Variants in GALNT13 observed in about 807,000 individuals in gnomAD.
GALNT13 encodes the protein UDP-GalNAc:polypeptide N-acetylgalactosaminyltransferase 13.
GALNT13 carries 28 observed loss-of-function variants against 64.2 expected under a neutral mutation model. The ratio of observed to expected loss-of-function variants is 0.44; its 90% CI spans 0.32 to 0.60. The LOEUF (loss-of-function observed/expected upper bound fraction) is 0.60, where lower values mean the gene tolerates loss of function less well. GALNT13 is among the 20% of genes least tolerant of loss of function. The pLI, the probability that GALNT13 is intolerant of heterozygous loss-of-function variation, is 0.05. For synonymous variants in GALNT13, 214 were observed against 224.6 expected (o/e 0.95, Z 0.42); for missense variants, 577 against 669.8 (o/e 0.86, Z 1.53).
chr2:153,259,975 G>A, the GALNT13 span, among the ~76,000 whole-genome samples: 1 of 151,596 alleles, frequency 6.6e-6, no homozygotes, highest in African/African-American at 2.4e-5. Flanking sequence ...TATCTGTTGT[G>A]TGTTTTTTTT....
At chr2:153,463,114 G>A in the GALNT13 span, among the ~76,000 whole-genome samples, 1 of 151,974 alleles carries the variant, frequency 6.6e-6, no homozygotes, top group Non-Finnish European at 1.5e-5. Context: ...ATTCAATCCA[G>A]GTAAAGGGAA....
chr2:153,943,698 T>C (rs1280029931), intron 2 of GALNT13, among the ~76,000 whole-genome samples: 2 of 152,164 alleles, frequency 1.3e-5, no homozygotes, highest in Non-Finnish European at 2.9e-5. Context: ...TTTTACCATG[T>C]TGGCCAGACT....
At chr2:154,204,745 T>TTA (rs756760576) in intron 4 of GALNT13, among the ~76,000 whole-genome samples, 79 of 152,246 alleles carry the variant, frequency 5.2e-4, no homozygotes, top group Non-Finnish European at 9.4e-4. Context: ...TGTACTCTAC[T>TTA]ATCTAACCAC....
At chr2:153,524,833 C>T in the GALNT13 span, among the ~76,000 whole-genome samples, 1 of 152,286 alleles carries the variant, frequency 6.6e-6, no homozygotes, top group African/African-American at 2.4e-5. Context: ...AGGACTGTAA[C>T]ACCTAGGCGA....
chr2:154,189,677 A>G (rs1361244716), intron 4 of GALNT13, among the ~76,000 whole-genome samples: 1 of 151,774 alleles, frequency 6.6e-6, no homozygotes, highest in African/African-American at 2.4e-5. Flanking sequence ...AGGTTTACAT[A>G]GAAAAAAAAA....
At chr2:153,135,946 T>G in the GALNT13 span, among the ~76,000 whole-genome samples, 1 of 152,108 alleles carries the variant, frequency 6.6e-6, no homozygotes, top group African/African-American at 2.4e-5. Flanking sequence ...TCCAGATGGC[T>G]TGTTTAATTC....
chr2:154,334,425 A>G (rs1695330955), intron 9 of GALNT13, among the ~76,000 whole-genome samples: 2 of 152,070 alleles, frequency 1.3e-5, no homozygotes, highest in Non-Finnish European at 2.9e-5. Context: ...TGGAACTGAA[A>G]GTATTATCAA....
chr2:154,306,991 AT>A (rs34442308), intron 9 of GALNT13, among the ~76,000 whole-genome samples: 15,379 of 140,502 alleles, frequency 0.11, 1,097 homozygotes, highest in African/African-American at 0.22. Context: ...AAGGGCTGTT[AT>A]TTTTTTTTTT....
chr2:153,275,879 A>G, the GALNT13 span, among the ~76,000 whole-genome samples: 4 of 152,220 alleles, frequency 2.6e-5, no homozygotes, highest in African/African-American at 9.6e-5. Context: ...AATTGATACA[A>G]TGAAATTATC....
intron 4 of GALNT13, among the ~76,000 whole-genome samples, chr2:154,188,292 G>A (rs564623076): frequency 6.6e-6 from 1 of 152,198 alleles, no homozygotes; most frequent in South Asian, 2.1e-4. Context: ...TGAGTACAAG[G>A]TGTCAACAGT....
the GALNT13 span, among the ~76,000 whole-genome samples, chr2:153,532,374 C>T: frequency 6.6e-6 from 1 of 152,044 alleles, no homozygotes; most frequent in Non-Finnish European, 1.5e-5. Flanking sequence ...AGCTGTGTCC[C>T]AAGGCTGCAT....
intron 9 of GALNT13, among the ~76,000 whole-genome samples, chr2:154,387,070 T>C (rs987954403): frequency 2.6e-5 from 4 of 152,182 alleles, no homozygotes; most frequent in Non-Finnish European, 5.9e-5. Flanking sequence ...ATTCAACACA[T>C]AATCACTATG....
chr2:153,227,454 G>C, the GALNT13 span, among the ~76,000 whole-genome samples: 1 of 152,182 alleles, frequency 6.6e-6, no homozygotes, highest in Non-Finnish European at 1.5e-5. Flanking sequence ...AGAGGAACCA[G>C]TAGGTTTAGA....
intron 4 of GALNT13, among the ~76,000 whole-genome samples, chr2:154,152,561 G>C (rs1684110606): frequency 6.6e-6 from 1 of 152,070 alleles, no homozygotes; most frequent in Non-Finnish European, 1.5e-5. Context: ...GTCACTTTCA[G>C]GTACACCAAT....
intron 4 of GALNT13, among the ~76,000 whole-genome samples, chr2:154,208,409 C>T (rs1007055259): frequency 3.9e-5 from 6 of 151,992 alleles, no homozygotes; most frequent in African/African-American, 1.4e-4. Flanking sequence ...ATACATATTG[C>T]TGCTAATATG....
At chr2:154,414,613 T>C (rs1181417909) in intron 11 of GALNT13, among the ~76,000 whole-genome samples, 1 of 152,028 alleles carries the variant, frequency 6.6e-6, no homozygotes, top group African/African-American at 2.4e-5. Context: ...TTTTAAAAAC[T>C]GGCATTTAAA....
intron 2 of GALNT13, among the ~76,000 whole-genome samples, chr2:153,920,029 G>A (rs1689646879): frequency 6.8e-6 from 1 of 146,146 alleles, no homozygotes; most frequent in African/African-American, 2.5e-5. Flanking sequence ...ATTATATATA[G>A]CTAAATATAA....
intron 9 of GALNT13, among the ~76,000 whole-genome samples, chr2:154,384,984 A>G (rs1698439613): frequency 6.6e-6 from 1 of 151,820 alleles, no homozygotes; most frequent in Non-Finnish European, 1.5e-5. Flanking sequence ...GATTTTAGAG[A>G]TGGGAAAACA....
chr2:153,564,927 C>G, the GALNT13 span, among the ~76,000 whole-genome samples: 8 of 152,090 alleles, frequency 5.3e-5, no homozygotes, highest in Non-Finnish European at 5.9e-5. Flanking sequence ...TTGTAAACTG[C>G]CTATGGAGCG....
Sources: allele counts gnomAD v4.1 joint callset (sites outside exome capture counted in the v4.1 genomes callset), GRCh38; gene constraint gnomAD v4.1.1; transcripts MANE v1.5; gene names NCBI Gene and HGNC (gene_info 2026-07-23, HGNC 2026-07-21).